CDK14: variants seen among roughly 807,000 people sequenced by gnomAD.
The protein encoded by CDK14 is cyclin-dependent kinase 14.
CDK14 carries 34 observed loss-of-function variants against 60.7 expected under a neutral mutation model. That is an observed-to-expected ratio of 0.56 (90% CI 0.43 to 0.75). The LOEUF (loss-of-function observed/expected upper bound fraction) is 0.75, where lower values mean the gene tolerates loss of function less well. CDK14 is among the 30% of genes least tolerant of loss of function. The probability of loss-of-function intolerance (pLI) is 0.00; values close to 1 mark genes in which losing one functional copy is unlikely to be tolerated. For missense variants in CDK14, 482 were observed against 564.1 expected (o/e 0.85, Z 1.47); for synonymous variants, 197 against 203.7 (o/e 0.97, Z 0.28).
chr7:90,624,407 A>G (rs773405945), intron 2 of CDK14, among the ~76,000 whole-genome samples: 2 of 152,338 alleles, frequency 1.3e-5, no homozygotes, highest in Non-Finnish European at 2.9e-5. Context: ...AGACAAACGC[A>G]TTTTGTTCTC....
chr7:90,889,489 A>T (rs187251530), intron 6 of CDK14, among the ~76,000 whole-genome samples: 1 of 152,336 alleles, frequency 6.6e-6, no homozygotes, highest in Admixed American at 6.5e-5. Flanking sequence ...AATCATTTAG[A>T]CAGAATTATG....
At chr7:90,774,561 T>G (rs1381828314) in intron 4 of CDK14, among the ~76,000 whole-genome samples, 1 of 152,202 alleles carries the variant, frequency 6.6e-6, no homozygotes, top group South Asian at 2.1e-4. Flanking sequence ...TATTCAATGG[T>G]AACATTTCCT....
At chr7:91,181,534 A>G (rs1006206074) in intron 14 of CDK14, among the ~76,000 whole-genome samples, 1 of 152,194 alleles carries the variant, frequency 6.6e-6, no homozygotes, top group Non-Finnish European at 1.5e-5. Flanking sequence ...GTCTAATTCT[A>G]TCAGTTCTTT....
At position 91,207,676 on chromosome 7, in the gene CDK14, G is replaced by A. The variant is rs1324010078; in HGVS notation, c.*540G>A. Reference sequence around the variant, plus strand: ...CCCTGTTCTCTGACTTGACAACTTGGCCCCGGACTGTGGGGCCCCACCTGT... The same window carrying A: ...CCCTGTTCTCTGACTTGACAACTTGACCCCGGACTGTGGGGCCCCACCTGT... On this transcript the variant is annotated 3_prime_UTR_variant, in exon 15 of 15. Transcript: ENST00000380050. The A allele has an allele frequency of 6.6e-6, 1 of 152,580 alleles. No homozygotes were observed. The highest frequency in any genetic ancestry group is 6.5e-5 in the Admixed American group (1 of 15,280). The allele number at this position is 152,580 out of a possible 1,614,324, so 9.5% of individuals were successfully genotyped here.
At chr7:90,773,406 A>G (rs938869848) in intron 4 of CDK14, among the ~76,000 whole-genome samples, 4 of 152,238 alleles carry the variant, frequency 2.6e-5, no homozygotes, top group Admixed American at 6.5e-5. Flanking sequence ...GGTAGTATCT[A>G]TCACACAGAG....
At chr7:90,976,907 C>T (rs542128956) in intron 9 of CDK14, among the ~76,000 whole-genome samples, 1 of 152,190 alleles carries the variant, frequency 6.6e-6, no homozygotes, top group African/African-American at 2.4e-5. Flanking sequence ...TGAGACTTAT[C>T]TCCCATCTGT....
At chr7:91,104,639 T>C (rs1799235184) in intron 12 of CDK14, among the ~76,000 whole-genome samples, 2 of 152,274 alleles carry the variant, frequency 1.3e-5, no homozygotes, top group African/African-American at 4.8e-5. Flanking sequence ...CACTGATCAG[T>C]TTTCTGTTTA....
chr7:90,827,955 C>T (rs1483730395), intron 5 of CDK14, among the ~76,000 whole-genome samples: 2 of 152,076 alleles, frequency 1.3e-5, no homozygotes, highest in Non-Finnish European at 2.9e-5. Flanking sequence ...TTGTTTTATA[C>T]CTTTCAATTT....
At chr7:90,759,108 G>A (rs376751221) in intron 4 of CDK14, among the ~76,000 whole-genome samples, 1 of 151,960 alleles carries the variant, frequency 6.6e-6, no homozygotes, top group South Asian at 2.1e-4. Flanking sequence ...ATGGTGTGGG[G>A]TTTCAAAGGG....
At chr7:90,784,330 G>A (rs1805476579) in intron 4 of CDK14, among the ~76,000 whole-genome samples, 1 of 152,032 alleles carries the variant, frequency 6.6e-6, no homozygotes, top group Non-Finnish European at 1.5e-5. Context: ...CAGATAGAAG[G>A]AATAAGACCA....
At chr7:90,608,621 G>GCATTT in intron 2 of CDK14, 3 of 754,826 alleles carry the variant, frequency 4.0e-6, no homozygotes, top group Non-Finnish European at 4.8e-6. Context: ...CCTTTGAAAT[G>GCATTT]CAAAGAATTT....
intron 6 of CDK14, among the ~76,000 whole-genome samples, chr7:90,869,739 GT>G (rs1157795891): frequency 6.6e-6 from 1 of 152,184 alleles, no homozygotes; most frequent in African/African-American, 2.4e-5. Flanking sequence ...CGACACACCT[GT>G]TGGGAAGACT....
At chr7:91,162,993 T>C (rs887963810) in intron 14 of CDK14, among the ~76,000 whole-genome samples, 9 of 152,204 alleles carry the variant, frequency 5.9e-5, no homozygotes, top group African/African-American at 1.7e-4. Flanking sequence ...AGCACACTTA[T>C]ATAGTTGTTC....
intron 2 of CDK14, among the ~76,000 whole-genome samples, chr7:90,705,176 TAA>T (rs879284659): frequency 6.6e-6 from 1 of 152,002 alleles, no homozygotes; most frequent in African/African-American, 2.4e-5. Context: ...CTTTTAGACT[TAA>T]AAGTTTTAAT....
intron 14 of CDK14, among the ~76,000 whole-genome samples, chr7:91,168,559 C>T (rs1229995861): frequency 6.6e-6 from 1 of 152,094 alleles, no homozygotes; most frequent in Non-Finnish European, 1.5e-5. Flanking sequence ...TTATATGATG[C>T]ATTGGGGAAC....
intron 10 of CDK14, among the ~76,000 whole-genome samples, chr7:91,008,739 A>G (rs1796065817): frequency 6.6e-6 from 1 of 152,230 alleles, no homozygotes; most frequent in Admixed American, 6.5e-5. Context: ...TATTTAAAAG[A>G]GGGTATTGAG....
At chr7:90,713,008 T>C (rs1802121376) in intron 2 of CDK14, among the ~76,000 whole-genome samples, 1 of 152,040 alleles carries the variant, frequency 6.6e-6, no homozygotes, top group African/African-American at 2.4e-5. Flanking sequence ...CTTCTTTTAC[T>C]CCCCACCCCT....
At position 90,763,255 on chromosome 7, in the gene CDK14, C is replaced by G. The variant is rs2116866685; in HGVS notation, c.464+15480C>G. The stretch of plus-strand genomic sequence containing the variant: ...GTCGGTAATTGACAGATTAAGCAGG[C>G]AGAGATATCACTAAGGATTCGATGA... On this transcript the variant is annotated intron_variant, in intron 4 of 14. Transcript: ENST00000380050. Among the ~76,000 whole-genome samples the G allele has an allele frequency of 2.0e-5, 3 of 152,232 alleles. 1 individual carries two copies. In the Middle Eastern group the frequency reaches 0.01, roughly 518 times the overall value.
chr7:90,917,768 G>A lies in CDK14; in HGVS notation c.826+44G>A, dbSNP rs747522323. Reference sequence around the variant, plus strand: ...ACCAGTCTATTTTGTCATACTGTGAGAATGCCAGGCAGATGGTGGCACTGC... The same window carrying A: ...ACCAGTCTATTTTGTCATACTGTGAAAATGCCAGGCAGATGGTGGCACTGC... On this transcript the variant is annotated intron_variant, in intron 8 of 14. Transcript: ENST00000380050. 1.5e-5 allele frequency: 24 copies of A among 1,600,944 alleles called. No individual in the cohort carries two copies. In the South Asian group the frequency reaches 2.3e-4, roughly 16 times the overall value.
Sources: gnomAD v4.1 joint callset for allele counts (sites outside exome capture counted in the v4.1 genomes callset) on GRCh38, gnomAD v4.1.1 for gene constraint, MANE v1.5 for transcripts, NCBI Gene and HGNC (gene_info 2026-07-23, HGNC 2026-07-21) for gene names.